The following IMMP2L variants were observed in gnomAD, a reference collection of about 807,000 sequenced individuals.
The protein encoded by IMMP2L is inner mitochondrial membrane peptidase subunit 2.
IMMP2L carries 18 observed loss-of-function variants against 19.3 expected under a neutral mutation model. The observed-to-expected ratio is 0.93, with a 90% confidence interval of 0.64 to 1.38. The LOEUF (loss-of-function observed/expected upper bound fraction) is 1.38, where lower values mean the gene tolerates loss of function less well. Ranked by LOEUF, IMMP2L falls within the 40% of genes most tolerant of loss-of-function variation. The probability of loss-of-function intolerance (pLI) is 0.00; values close to 1 mark genes in which losing one functional copy is unlikely to be tolerated. For missense variants in IMMP2L, 233 were observed against 218.2 expected (o/e 1.07, Z -0.43); for synonymous variants, 76 against 73.0 (o/e 1.04, Z -0.21).
In IMMP2L at chr7:110,877,923, C is replaced by T. The variant is rs1280636905; in HGVS notation, c.408+8670G>A. ...TACTCTAAAAATAAAAAACAAAAAA[C>T]AAAAAGCACAATGGATTGATTCCAA... On this transcript the variant is annotated intron_variant, in intron 5 of 5. Coordinates refer to ENST00000405709, the MANE Select transcript of IMMP2L (RefSeq NM_032549.4). The surrounding 1 kb of genome is among the most constrained non-coding windows in gnomAD (Gnocchi z 4.0). 6.6e-6 allele frequency among the ~76,000 whole-genome samples: 1 copy of T among 151,978 alleles called. No homozygotes were observed. The highest frequency in any genetic ancestry group is 2.4e-5 in the African/African-American group (1 of 41,392).
intron 3 of IMMP2L, among the ~76,000 whole-genome samples, chr7:111,230,557 G>GA (rs1047959436): frequency 1.3e-5 from 2 of 152,040 alleles, no homozygotes; most frequent in African/African-American, 4.8e-5. Context: ...ATAAACATGG[G>GA]AAAATGTCAG....
chr7:110,690,544 T>C (rs750228161), intron 5 of IMMP2L, among the ~76,000 whole-genome samples: 4 of 152,128 alleles, frequency 2.6e-5, no homozygotes, highest in Non-Finnish European at 5.9e-5. Flanking sequence ...TATGATCATA[T>C]ACCTAGAAAA....
chr7:111,561,803 T>A (rs1407652105), intron 1 of IMMP2L, 48 bp downstream of exon 1: 1 of 152,702 alleles, frequency 6.5e-6, no homozygotes, highest in Admixed American at 6.5e-5. Context: ...TCGCTCGCTC[T>A]CAGGATAAAG....
chr7:111,554,761 A>C (rs923165412), intron 1 of IMMP2L, among the ~76,000 whole-genome samples: 2 of 151,930 alleles, frequency 1.3e-5, no homozygotes, highest in East Asian at 1.9e-4. Flanking sequence ...TTACAGGTAC[A>C]TGCCAGCATG....
At chr7:111,452,205 T>C (rs1022554227) in intron 3 of IMMP2L, among the ~76,000 whole-genome samples, 3 of 152,304 alleles carry the variant, frequency 2.0e-5, no homozygotes, top group East Asian at 1.9e-4. Flanking sequence ...ACCATGACTA[T>C]ACATATGCAT....
At chr7:111,534,969 T>A (rs1847751017) in intron 1 of IMMP2L, among the ~76,000 whole-genome samples, 1 of 152,176 alleles carries the variant, frequency 6.6e-6, no homozygotes, top group Non-Finnish European at 1.5e-5. Flanking sequence ...TTTAAGGACC[T>A]ACAACAAAGG....
At chr7:110,682,425 T>C (rs1792790241) in intron 5 of IMMP2L, among the ~76,000 whole-genome samples, 1 of 152,190 alleles carries the variant, frequency 6.6e-6, no homozygotes, top group African/African-American at 2.4e-5. Context: ...CTGTCTCGTA[T>C]TCCAAATACA....
rs79905181 is a variant in IMMP2L, at chr7:110,890,124, C to T, written c.306-3429G>A. 2.2e-3 allele frequency among the ~76,000 whole-genome samples: 337 copies of T among 152,260 alleles called. 8 individuals carry two copies. In the East Asian group the frequency reaches 0.034, roughly 15 times the overall value. ...ACGCTTCAGTAATTTCCTCTCCCTA[C>T]GGTTGCACTGTGACTATAGACTATT... is the stretch of plus-strand genomic sequence containing the variant. On this transcript the variant is annotated intron_variant, in intron 4 of 5. Coordinates refer to ENST00000405709, the MANE Select transcript of IMMP2L (RefSeq NM_032549.4).
chr7:110,707,073 T>C (rs1425694286), intron 5 of IMMP2L, among the ~76,000 whole-genome samples: 1 of 101,144 alleles, frequency 9.9e-6, no homozygotes, highest in African/African-American at 3.9e-5. Flanking sequence ...GTTACGTATG[T>C]ATACATGTGC....
chr7:111,001,904 C>G (rs1011467924), intron 3 of IMMP2L, among the ~76,000 whole-genome samples: 1 of 152,026 alleles, frequency 6.6e-6, no homozygotes, highest in Non-Finnish European at 1.5e-5. Context: ...CTCCCTACAG[C>G]TAGGTAGTTA....
intron 3 of IMMP2L, among the ~76,000 whole-genome samples, chr7:111,133,112 T>C (rs1466081363): frequency 2.6e-5 from 4 of 152,010 alleles, no homozygotes; most frequent in Non-Finnish European, 5.9e-5. Flanking sequence ...TGGCCCATGC[T>C]TTATTCACAC....
chr7:110,733,594 A>G (rs562218278), intron 5 of IMMP2L, among the ~76,000 whole-genome samples: 2 of 152,334 alleles, frequency 1.3e-5, no homozygotes, highest in East Asian at 3.9e-4. Flanking sequence ...ATATATTCAT[A>G]TAAACTTAAA....
intron 3 of IMMP2L, among the ~76,000 whole-genome samples, chr7:110,964,718 ATGT>A (rs1279025622): frequency 6.6e-6 from 1 of 151,972 alleles, no homozygotes; most frequent in Non-Finnish European, 1.5e-5. Context: ...TTTTGAGATT[ATGT>A]TATAAAACAG....
chr7:111,217,910 A>T (rs1271150745), intron 3 of IMMP2L, among the ~76,000 whole-genome samples: 1 of 152,016 alleles, frequency 6.6e-6, no homozygotes, highest in Non-Finnish European at 1.5e-5. Flanking sequence ...TATGAATTGA[A>T]AGTCTTCGGT....
intron 5 of IMMP2L, among the ~76,000 whole-genome samples, chr7:110,672,819 G>C (rs1328962369): frequency 6.6e-6 from 1 of 152,188 alleles, no homozygotes; most frequent in Non-Finnish European, 1.5e-5. Flanking sequence ...ATGGCCTTGG[G>C]CAGCTCCGTC....
chr7:110,853,446 G>A (rs765983069), intron 5 of IMMP2L, among the ~76,000 whole-genome samples: 7 of 152,000 alleles, frequency 4.6e-5, no homozygotes, highest in East Asian at 1.9e-4. Flanking sequence ...CGCGTATGTC[G>A]TGATGTGAAG....
Position 110,857,781 on chromosome 7 carries a change from T to C in IMMP2L, c.408+28812A>G, listed in dbSNP as rs549829583. Among the ~76,000 whole-genome samples, 5 of 152,180 alleles carry C rather than the reference T, an allele frequency of 3.3e-5. No homozygotes were observed. In the South Asian group the frequency reaches 1.0e-3, roughly 32 times the overall value. ...ATACAACTTCATTATTTGAAGCATC[T>C]GCTTGATTAAGATGGGTTTCAATGT... is the stretch of plus-strand genomic sequence containing the variant. On this transcript the variant is annotated intron_variant, in intron 5 of 5. Transcript: ENST00000405709.
intron 3 of IMMP2L, among the ~76,000 whole-genome samples, chr7:111,080,326 GAAACA>G (rs1795780655): frequency 6.6e-6 from 1 of 151,996 alleles, no homozygotes; most frequent in African/African-American, 2.4e-5. Flanking sequence ...CACTGTACTT[GAAACA>G]AAACAAGGGC....
intron 1 of IMMP2L, among the ~76,000 whole-genome samples, chr7:111,555,745 G>T (rs530754503): frequency 6.6e-6 from 1 of 151,750 alleles, no homozygotes; most frequent in African/African-American, 2.4e-5. Flanking sequence ...TTTTAAGGCT[G>T]AATAATATTC....
Sources: gnomAD v4.1 joint callset for allele counts (sites outside exome capture counted in the v4.1 genomes callset) on GRCh38, gnomAD v4.1.1 for gene constraint, Gnocchi (gnomAD v3.1) non-coding constraint, MANE v1.5 for transcripts, NCBI Gene and HGNC (gene_info 2026-07-23, HGNC 2026-07-21) for gene names.